TECRL: variants seen among roughly 807,000 people sequenced by gnomAD.
TECRL encodes the protein trans-2,3-enoyl-CoA reductase like, also known as trans-2,3-enoyl-CoA reductase-like.
In TECRL, 63 loss-of-function variants were observed where a neutral mutation model predicts 52.8. That is an observed-to-expected ratio of 1.19 (90% confidence interval 0.97 to 1.47). TECRL has a LOEUF of 1.47. Ranked by LOEUF, TECRL falls within the 40% of genes most tolerant of loss-of-function variation. The probability of loss-of-function intolerance (pLI) is 0.00; values close to 1 mark genes in which losing one functional copy is unlikely to be tolerated. For synonymous variants in TECRL, 164 were observed against 141.9 expected (o/e 1.16, Z -1.10); for missense variants, 482 against 429.6 (o/e 1.12, Z -1.08).
chr4:64,406,746 T>A (rs775800469), intron 1 of TECRL, among the ~76,000 whole-genome samples: 11 of 151,976 alleles, frequency 7.2e-5, no homozygotes, highest in Non-Finnish European at 4.4e-5. Context: ...GTAACAGGGA[T>A]TGAGTCCAGA....
At chr4:64,386,112 C>G (rs1473871301) in intron 1 of TECRL, among the ~76,000 whole-genome samples, 1 of 152,078 alleles carries the variant, frequency 6.6e-6, no homozygotes, top group East Asian at 1.9e-4. Context: ...ACTTTTGATT[C>G]CCCAAAAGCT....
rs1298580859 is a variant in TECRL, at chr4:64,328,565, T to C, written c.287-9A>G. On this transcript the variant is annotated splice_polypyrimidine_tract_variant and intron_variant, in intron 2 of 11. Transcript: ENST00000381210. ...AGGGTACCACTTTGGACCTATTCAA[T>C]GAAAAATAACATTTAATTGTCAGAA... The C allele has an allele frequency of 5.6e-6, 9 of 1,607,578 alleles. No individual in the cohort carries two copies. Among genetic ancestry groups the C allele is most frequent in the Non-Finnish European group, 7.7e-6 (9 of 1,176,258 alleles).
chr4:64,361,939 A>G (rs1257462357), intron 2 of TECRL, among the ~76,000 whole-genome samples: 1 of 152,186 alleles, frequency 6.6e-6, no homozygotes, highest in Non-Finnish European at 1.5e-5. Context: ...AGAAGGTTAA[A>G]ATCCAATCCA....
At chr4:64,321,979 T>C (rs1448264564) in intron 4 of TECRL, among the ~76,000 whole-genome samples, 1 of 152,112 alleles carries the variant, frequency 6.6e-6, no homozygotes, top group African/African-American at 2.4e-5. Flanking sequence ...ACCATGTAAA[T>C]AACAAAGCAT....
chr4:64,314,727 A>G lies in TECRL; in HGVS notation c.472T>C (p.Tyr158His), dbSNP rs1717360612. 1 of 1,613,688 alleles carries G rather than the reference A, an allele frequency of 6.2e-7. No individual in the cohort carries two copies. Among genetic ancestry groups the G allele is most frequent in the Non-Finnish European group, 8.5e-7 (1 of 1,179,836 alleles). The change falls in exon 5 of 12, where the codon TAC (tyrosine) becomes CAC (histidine). Residue 158 changes from tyrosine to histidine, a missense_variant. By Grantham distance (83) the Tyr-to-His change is moderately conservative (BLOSUM62 2). Transcript: ENST00000381210. Reference sequence around the variant, plus strand: ...GGGATCCTCAAATAAAAGAGGAGGTATATTAGCAGAGGTCCTGTGTATTCA... The same window carrying G: ...GGGATCCTCAAATAAAAGAGGAGGTGTATTAGCAGAGGTCCTGTGTATTCA... ...LAEYTGPLLI[Y>H]LLFYLRIPCI... is the part of the protein sequence containing the mutation.
intron 1 of TECRL, among the ~76,000 whole-genome samples, chr4:64,392,924 TA>T (rs1279373504): frequency 4.6e-5 from 7 of 152,104 alleles, no homozygotes; most frequent in African/African-American, 1.4e-4. Flanking sequence ...CTACATCATG[TA>T]AATATGTCTT....
intron 1 of TECRL, among the ~76,000 whole-genome samples, chr4:64,403,475 G>GCACACACA (rs148711260): frequency 1.6e-4 from 23 of 148,344 alleles, no homozygotes; most frequent in Admixed American, 4.7e-4. Context: ...CTCCCTGAGC[G>GCACACACA]CACACACACA....
chr4:64,341,714 C>T (rs1270774883), intron 2 of TECRL, among the ~76,000 whole-genome samples: 1 of 152,158 alleles, frequency 6.6e-6, no homozygotes, highest in Non-Finnish European at 1.5e-5. Flanking sequence ...GCTTCCAGAG[C>T]CAGGCCTGTG....
At chr4:64,281,434 A>G (rs754369235) in intron 10 of TECRL, 40 bp downstream of exon 10, 3 of 1,215,464 alleles carry the variant, frequency 2.5e-6, no homozygotes, top group Non-Finnish European at 3.6e-6. Flanking sequence ...TTAGTATATC[A>G]TGAATAGGAT....
chr4:64,407,486 T>C (rs1358911034), intron 1 of TECRL, among the ~76,000 whole-genome samples: 1 of 61,556 alleles, frequency 1.6e-5, no homozygotes, highest in African/African-American at 6.5e-5. Context: ...CTAATTGGCA[T>C]GTGTGTGTGT....
chr4:64,385,633 G>A (rs1705727711), intron 1 of TECRL, among the ~76,000 whole-genome samples: 1 of 152,142 alleles, frequency 6.6e-6, no homozygotes, highest in South Asian at 2.1e-4. Flanking sequence ...TGGAGATGCA[G>A]GGGTTGTTGG....
intron 8 of TECRL, chr4:64,299,372 C>G (rs1036864822): frequency 6.6e-6 from 1 of 150,874 alleles, no homozygotes; most frequent in Non-Finnish European, 1.5e-5. Context: ...AACATGAACA[C>G]AGATGAAAGC....
At chr4:64,404,537 T>C (rs1724583016) in intron 1 of TECRL, among the ~76,000 whole-genome samples, 1 of 152,110 alleles carries the variant, frequency 6.6e-6, no homozygotes, top group African/African-American at 2.4e-5. Flanking sequence ...ACAATTATTT[T>C]AAATCTGCTC....
chr4:64,286,245 T>C (rs1038170734), intron 9 of TECRL, among the ~76,000 whole-genome samples: 1 of 151,794 alleles, frequency 6.6e-6, no homozygotes, highest in Non-Finnish European at 1.5e-5. Context: ...AACAAGAAGA[T>C]ATAATACAAA....
intron 2 of TECRL, among the ~76,000 whole-genome samples, chr4:64,333,708 T>C (rs919016737): frequency 2.6e-5 from 4 of 152,032 alleles, no homozygotes; most frequent in African/African-American, 4.8e-5. Context: ...GAATGCTAAA[T>C]AGGAAGTGTC....
At chr4:64,291,145 T>C (rs1419485645) in intron 8 of TECRL, among the ~76,000 whole-genome samples, 1 of 152,104 alleles carries the variant, frequency 6.6e-6, no homozygotes, top group African/African-American at 2.4e-5. Flanking sequence ...GGAATTTCAT[T>C]TCTTCACCTA....
At chr4:64,328,592 A>C (rs746534331) in intron 2 of TECRL, 36 bp from the exon 3 acceptor site, 7 of 1,573,740 alleles carry the variant, frequency 4.4e-6, no homozygotes, top group Non-Finnish European at 6.1e-6. Flanking sequence ...TTGTCAGAAA[A>C]AGTGTAACTA....
chr4:64,387,804 G>A (rs952158031), intron 1 of TECRL, among the ~76,000 whole-genome samples: 2 of 151,854 alleles, frequency 1.3e-5, no homozygotes, highest in African/African-American at 2.4e-5. Flanking sequence ...ACTTTATCCT[G>A]GTGATGTGAT....
chr4:64,360,112 TAC>T (rs751185573), intron 2 of TECRL, among the ~76,000 whole-genome samples: 7 of 152,164 alleles, frequency 4.6e-5, no homozygotes, highest in Non-Finnish European at 1.0e-4. Flanking sequence ...GATTTATTCG[TAC>T]AGTTTTTGAT....
Sources: allele counts gnomAD v4.1 joint callset (sites outside exome capture counted in the v4.1 genomes callset), GRCh38; gene constraint gnomAD v4.1.1; transcripts MANE v1.5; gene names NCBI Gene and HGNC (gene_info 2026-07-23, HGNC 2026-07-21).